Variants in RAPGEF6 observed in about 807,000 individuals in gnomAD.
The protein encoded by RAPGEF6 is Rap guanine nucleotide exchange factor 6.
RAPGEF6 carries 56 observed loss-of-function variants against 171.4 expected under a neutral mutation model. The observed-to-expected ratio is 0.33, with a 90% CI of 0.26 to 0.41. RAPGEF6 has a LOEUF of 0.41. RAPGEF6 is among the 10% of genes least tolerant of loss of function. The pLI is 1.00. For missense variants in RAPGEF6, 1,674 were observed against 1,921.4 expected, an observed-to-expected ratio of 0.87 and a Z score of 2.41; for synonymous variants, 692 against 650.1, an observed-to-expected ratio of 1.06 and a Z score of -0.98.
intron 3 of RAPGEF6, among the ~76,000 whole-genome samples, chr5:131,601,830 G>A (rs1352179872): frequency 3.3e-5 from 5 of 151,820 alleles, no homozygotes; most frequent in East Asian, 1.9e-4. Flanking sequence ...TCAGGAGATC[G>A]AGACCATCCT....
At chr5:131,532,295 T>C in intron 6 of RAPGEF6, 1 of 234,468 alleles carries the variant, frequency 4.3e-6, no homozygotes, top group South Asian at 4.4e-5. Flanking sequence ...AAACCCCTTT[T>C]AAAACTGAAA....
intron 12 of RAPGEF6, 88 bp downstream of exon 12, chr5:131,498,352 TATC>T: frequency 8.4e-7 from 1 of 1,192,364 alleles, no homozygotes; most frequent in East Asian, 2.4e-5. Flanking sequence ...TGAATCTTAT[TATC>T]ATAATAAACA....
intron 13 of RAPGEF6, among the ~76,000 whole-genome samples, chr5:131,493,596 T>C (rs1756438992): frequency 1.3e-5 from 2 of 152,212 alleles, no homozygotes; most frequent in Admixed American, 1.3e-4. Context: ...AGTAATAGTC[T>C]ACCAGTTCTA....
At chr5:131,568,318 T>C (rs1318568686) in intron 4 of RAPGEF6, among the ~76,000 whole-genome samples, 1 of 138,278 alleles carries the variant, frequency 7.2e-6, no homozygotes, top group East Asian at 2.0e-4. Flanking sequence ...TGTTGATTTT[T>C]TAAATGTTAT....
chr5:131,460,854 C>T (rs114856949), intron 19 of RAPGEF6, among the ~76,000 whole-genome samples: 2,663 of 152,246 alleles, frequency 0.017, 39 homozygotes, highest in Middle Eastern at 0.071. Context: ...TCTTAATCTA[C>T]ATGAGGAGTA....
intron 5 of RAPGEF6, among the ~76,000 whole-genome samples, chr5:131,554,666 C>T (rs1761121304): frequency 6.6e-6 from 1 of 152,074 alleles, no homozygotes; most frequent in Non-Finnish European, 1.5e-5. Flanking sequence ...ATTAGAGGCG[C>T]CTACCACACC....
At chr5:131,504,061 A>G (rs1473328454) in intron 11 of RAPGEF6, among the ~76,000 whole-genome samples, 2 of 152,188 alleles carry the variant, frequency 1.3e-5, no homozygotes, top group African/African-American at 2.4e-5. Flanking sequence ...AGTGGCATAC[A>G]ATATTAAGTT....
At chr5:131,522,592 A>G (rs1758569365) in intron 6 of RAPGEF6, among the ~76,000 whole-genome samples, 1 of 152,214 alleles carries the variant, frequency 6.6e-6, no homozygotes. Flanking sequence ...TCCCCTGCTG[A>G]TAATGGTATG....
chr5:131,435,909 A>C, intron 24 of RAPGEF6: 1 of 1,488,842 alleles, frequency 6.7e-7, no homozygotes, highest in Non-Finnish European at 8.9e-7. Context: ...TACATTAATA[A>C]CTGAAAACAA....
In RAPGEF6 at chr5:131,431,974, A is replaced by G. The variant is rs568470009; in HGVS notation, c.3975-625T>C. On this transcript the variant is annotated intron_variant, in intron 25 of 27. Transcript: ENST00000509018. ...CGTACCTCTGAGGTTAGCCCAGTAC[A>G]GTGCCAAGTAAACAGCAACTTCCCC... is the stretch of plus-strand genomic sequence containing the variant. 3.9e-5 allele frequency among the ~76,000 whole-genome samples: 6 copies of G among 152,318 alleles called. No homozygotes were observed. The East Asian group carries it at 9.6e-4, about 24-fold the overall frequency.
At chr5:131,587,624 G>T (rs1325158072) in intron 4 of RAPGEF6, among the ~76,000 whole-genome samples, 14 of 152,134 alleles carry the variant, frequency 9.2e-5, no homozygotes, top group Admixed American at 9.2e-4. Flanking sequence ...TCCAAAATAT[G>T]GTGCTTTGGC....
chr5:131,530,199 C>T (rs1183746537), intron 6 of RAPGEF6, among the ~76,000 whole-genome samples: 2 of 145,366 alleles, frequency 1.4e-5, no homozygotes, highest in African/African-American at 5.1e-5. Flanking sequence ...AAGTAATTAA[C>T]AAAGGAAAAA....
At chr5:131,613,933 C>A (rs1386047166) in intron 1 of RAPGEF6, among the ~76,000 whole-genome samples, 3 of 152,080 alleles carry the variant, frequency 2.0e-5, no homozygotes, top group Non-Finnish European at 2.9e-5. Context: ...ATAGAATCCG[C>A]TTGGGCAGCC....
At chr5:131,550,472 A>C (rs1760851797) in intron 5 of RAPGEF6, among the ~76,000 whole-genome samples, 1 of 152,212 alleles carries the variant, frequency 6.6e-6, no homozygotes, top group Non-Finnish European at 1.5e-5. Flanking sequence ...AAATTTCCTA[A>C]TGATTTCTAA....
At chr5:131,533,205 CACACACA>C in intron 6 of RAPGEF6, among the ~76,000 whole-genome samples, 1 of 148,688 alleles carries the variant, frequency 6.7e-6, no homozygotes, top group South Asian at 2.1e-4. Flanking sequence ...CACACACACA[CACACACA>C]CCCCATCCTC....
At chr5:131,601,385 C>CAAAAAA (rs758602740) in intron 3 of RAPGEF6, among the ~76,000 whole-genome samples, 3 of 54,314 alleles carry the variant, frequency 5.5e-5, no homozygotes, top group Non-Finnish European at 1.2e-4. Flanking sequence ...GACTCCGTCT[C>CAAAAAA]AAAAAAAAAA....
At chr5:131,446,806 G>A in intron 21 of RAPGEF6, 103 bp from the exon 22 acceptor site, 1 of 1,042,778 alleles carries the variant, frequency 9.6e-7, no homozygotes, top group Admixed American at 2.5e-5. Flanking sequence ...ATTGCATGCT[G>A]ATGTAAATGA....
At chr5:131,450,854 G>A (rs898859872) in intron 21 of RAPGEF6, among the ~76,000 whole-genome samples, 1 of 152,094 alleles carries the variant, frequency 6.6e-6, no homozygotes, top group Non-Finnish European at 1.5e-5. Context: ...TTCAATCCAG[G>A]CCATTCCCAA....
intron 6 of RAPGEF6, among the ~76,000 whole-genome samples, chr5:131,529,843 A>T (rs1759248423): frequency 6.7e-6 from 1 of 148,846 alleles, no homozygotes; most frequent in African/African-American, 2.5e-5. Context: ...GGCTGCAGTG[A>T]GCCATGATTA....
Sources: allele counts gnomAD v4.1 joint callset (sites outside exome capture counted in the v4.1 genomes callset), GRCh38; gene constraint gnomAD v4.1.1; transcripts MANE v1.5; gene names NCBI Gene and HGNC (gene_info 2026-07-23, HGNC 2026-07-21).